CDK13: variants seen among roughly 807,000 people sequenced by gnomAD.
CDK13 encodes cyclin-dependent kinase 13.
A neutral mutation model predicts 137.6 loss-of-function variants in CDK13; 40 were observed. The ratio of observed to expected loss-of-function variants is 0.29; its 90% CI spans 0.23 to 0.38. CDK13 has a LOEUF of 0.38. Among genes scored for constraint, CDK13 ranks in the 10% least tolerant of loss-of-function variants. CDK13 has a pLI of 1.00. For synonymous variants in CDK13, 869 were observed against 760.1 expected, an observed-to-expected ratio of 1.14 and a Z score of -2.36; for missense variants, 1,704 against 1,951.8, an observed-to-expected ratio of 0.87 and a Z score of 2.39.
chr7:40,054,403 T>A (rs1785964300), intron 7 of CDK13, among the ~76,000 whole-genome samples: 1 of 152,192 alleles, frequency 6.6e-6, no homozygotes, highest in Non-Finnish European at 1.5e-5. Context: ...ACCTGTAATT[T>A]TTCCCATGAA....
At chr7:40,032,931 T>A (rs575293910) in intron 5 of CDK13, among the ~76,000 whole-genome samples, 14 of 152,340 alleles carry the variant, frequency 9.2e-5, no homozygotes, top group Admixed American at 7.2e-4. Context: ...CACAATAACT[T>A]GCTGGGATTT....
In CDK13 at chr7:40,098,221, C is replaced by T. The variant is rs1004161943; in HGVS notation, c.*3241C>T. On this transcript the variant is annotated 3_prime_UTR_variant, in exon 14 of 14. Coordinates refer to ENST00000181839, the MANE Select transcript of CDK13 (RefSeq NM_003718.5). ...GTTGAATCTGGTCAGTTTGCAATGG[C>T]CTATTTGTAAGAAATATCAAGACTT... 1 of 151,876 alleles carries T rather than the reference C, an allele frequency of 6.6e-6. No individual in the cohort carries two copies. The highest frequency in any genetic ancestry group is 2.4e-5 in the African/African-American group (1 of 41,344). 9.4% of individuals were successfully genotyped at this position (151,876 alleles called of 1,614,324 possible).
At chr7:39,956,606 A>T (rs1169968555) in intron 1 of CDK13, among the ~76,000 whole-genome samples, 3 of 151,522 alleles carry the variant, frequency 2.0e-5, no homozygotes, top group Non-Finnish European at 4.4e-5. Context: ...TTTTTTAGGG[A>T]TAGTGTCTAG....
chr7:40,017,574 GT>G (rs1785028527), intron 5 of CDK13, among the ~76,000 whole-genome samples: 1 of 151,852 alleles, frequency 6.6e-6, no homozygotes, highest in South Asian at 2.1e-4. Context: ...GAATTTGCCT[GT>G]TCCTTTGACA....
intron 11 of CDK13, among the ~76,000 whole-genome samples, chr7:40,083,946 T>G (rs1391323228): frequency 6.6e-6 from 1 of 152,246 alleles, no homozygotes; most frequent in Non-Finnish European, 1.5e-5. Context: ...GTAAGGACTA[T>G]GAAGAAATAC....
intron 4 of CDK13, among the ~76,000 whole-genome samples, chr7:40,000,477 A>T (rs967540223): frequency 6.6e-6 from 1 of 152,240 alleles, no homozygotes; most frequent in African/African-American, 2.4e-5. Context: ...TTGGAGGTGG[A>T]GGTTGCAGTG....
At chr7:39,972,990 T>A (rs570769755) in intron 1 of CDK13, among the ~76,000 whole-genome samples, 1 of 152,334 alleles carries the variant, frequency 6.6e-6, no homozygotes, top group South Asian at 2.1e-4. Context: ...CATCTTGGTA[T>A]TTGCAGTGGG....
Position 40,096,551 on chromosome 7 carries a change from T to C in CDK13, c.*1571T>C, listed in dbSNP as rs550491452. ...GTTAGAGTTGTGCCAATTAATCATTTTGTTCATCAACTGTTCTGGTAACTT... is the reference window on the plus strand; with the variant it reads ...GTTAGAGTTGTGCCAATTAATCATTCTGTTCATCAACTGTTCTGGTAACTT... On this transcript the variant is annotated 3_prime_UTR_variant, in exon 14 of 14. Transcript: ENST00000181839. 1 of 152,310 alleles carries C rather than the reference T, an allele frequency of 6.6e-6. No individual in the cohort carries two copies. Among genetic ancestry groups the C allele is most frequent in the African/African-American group, 2.4e-5 (1 of 41,574 alleles). The allele number at this position is 152,310 out of a possible 1,614,324, so 9.4% of individuals were successfully genotyped here.
intron 2 of CDK13, among the ~76,000 whole-genome samples, chr7:39,994,050 A>G (rs139097188): frequency 5.6e-4 from 85 of 152,112 alleles, no homozygotes; most frequent in African/African-American, 1.9e-3. Flanking sequence ...GCTTGCTTGT[A>G]TTCTGTGCTG....
chr7:40,029,967 C>T (rs1017558582), intron 5 of CDK13, among the ~76,000 whole-genome samples: 2 of 152,088 alleles, frequency 1.3e-5, no homozygotes, highest in Non-Finnish European at 2.9e-5. Flanking sequence ...TAGATTCTTA[C>T]TGTCTGAAGT....
intron 1 of CDK13, among the ~76,000 whole-genome samples, chr7:39,974,556 C>CTTTTTTTTTT (rs59844316): frequency 7.5e-6 from 1 of 132,994 alleles, no homozygotes; most frequent in Non-Finnish European, 1.6e-5. Flanking sequence ...TTCTTTTTTT[C>CTTTTTTTTTT]TTTTTTTTTT....
chr7:39,969,206 T>G (rs1430248982), intron 1 of CDK13, among the ~76,000 whole-genome samples: 1 of 152,060 alleles, frequency 6.6e-6, no homozygotes, highest in Non-Finnish European at 1.5e-5. Context: ...AGAGACAGGG[T>G]TTCACCATGT....
intron 9 of CDK13, chr7:40,069,298 AT>A: frequency 2.2e-6 from 1 of 453,168 alleles, no homozygotes; most frequent in Non-Finnish European, 4.4e-6. Context: ...CATAGCATTA[AT>A]TTCTTTTCAG....
chr7:40,055,506 A>G (rs887147268), intron 7 of CDK13, among the ~76,000 whole-genome samples: 2 of 151,726 alleles, frequency 1.3e-5, no homozygotes, highest in Non-Finnish European at 2.9e-5. Flanking sequence ...GATCATCTCT[A>G]CGATGTTGAC....
intron 1 of CDK13, among the ~76,000 whole-genome samples, chr7:39,978,901 G>C (rs552267081): frequency 6.6e-6 from 1 of 152,164 alleles, no homozygotes; most frequent in African/African-American, 2.4e-5. Flanking sequence ...TGGAGTGTAC[G>C]GTGGATGAAG....
In CDK13 at chr7:39,950,799, C is replaced by A; in HGVS notation, c.158C>A (p.Pro53Gln). The A allele has an allele frequency of 6.8e-7, 1 of 1,460,706 alleles. No homozygotes were observed. Among genetic ancestry groups the A allele is most frequent in the South Asian group, 1.3e-5 (1 of 75,272 alleles). The allele number at this position is 1,460,706 out of a possible 1,614,324, so 90.5% of individuals were successfully genotyped here. ...CAGCCGCAGCTCCTGCAACCGCCGC[C>A]GCCCCCGCCGCCTCTGCTCTTCCTG... ...LLQPQLLQPP[P>Q]PPPPLLFLAA... The change falls in exon 1 of 14, where the codon CCG becomes CAG. Residue 53 changes from proline (P) to glutamine (Q), a missense_variant. Transcript: ENST00000181839.
chr7:40,070,683 G>A (rs1389250031), intron 9 of CDK13: 1 of 152,482 alleles, frequency 6.6e-6, no homozygotes. Context: ...CTGCACTCCA[G>A]CCTGGGCAAC....
Position 39,999,533 on chromosome 7 carries a change from C to G in CDK13, c.2182+33C>G, listed in dbSNP as rs779042534. 20 of 1,560,182 alleles carry G rather than the reference C, an allele frequency of 1.3e-5. No homozygotes were observed. In the South Asian group the frequency reaches 2.2e-4, roughly 17 times the overall value. On this transcript the variant is annotated intron_variant, in intron 4 of 13. Coordinates refer to ENST00000181839, the MANE Select transcript of CDK13 (RefSeq NM_003718.5). The stretch of plus-strand genomic sequence containing the variant: ...TGCCAAGTTCTGGGGATCTTTGGGC[C>G]TACGGAATGTACTTAGTTTGTGTTT...
chr7:40,006,981 C>A (rs1383660205), intron 5 of CDK13, among the ~76,000 whole-genome samples: 1 of 152,158 alleles, frequency 6.6e-6, no homozygotes, highest in South Asian at 2.1e-4. Flanking sequence ...GGTACTAACT[C>A]TGCATAGTAA....
Sources: gnomAD v4.1 joint callset for allele counts (sites outside exome capture counted in the v4.1 genomes callset) on GRCh38, gnomAD v4.1.1 for gene constraint, MANE v1.5 for transcripts, NCBI Gene and HGNC (gene_info 2026-07-23, HGNC 2026-07-21) for gene names.